Variants in AUTS2 observed in about 807,000 individuals in gnomAD.
AUTS2 encodes the protein activator of transcription and developmental regulator AUTS2, also known as autism susceptibility gene 2 protein.
A neutral mutation model predicts 112.4 loss-of-function variants in AUTS2; 17 were observed. The observed-to-expected ratio is 0.15, with a 90% CI of 0.10 to 0.23. The LOEUF (loss-of-function observed/expected upper bound fraction) is 0.23, where lower values mean the gene tolerates loss of function less well. AUTS2 is among the 10% of genes least tolerant of loss of function. AUTS2 has a pLI of 1.00. For missense variants in AUTS2, 1,510 were observed against 1,701.6 expected (o/e 0.89, Z 1.98); for synonymous variants, 751 against 702.7 (o/e 1.07, Z -1.09).
intron 2 of AUTS2, among the ~76,000 whole-genome samples, chr7:69,922,673 T>G (rs778605198): frequency 6.6e-6 from 1 of 152,250 alleles, no homozygotes; most frequent in African/African-American, 2.4e-5. Context: ...GAAAGAATGC[T>G]TCTCTCCTTA....
At chr7:70,145,950 A>G (rs1248388290) in intron 4 of AUTS2, among the ~76,000 whole-genome samples, 1 of 152,126 alleles carries the variant, frequency 6.6e-6, no homozygotes, top group African/African-American at 2.4e-5. Context: ...CAAGGTGCCA[A>G]TTATTTCCTG....
chr7:70,643,222 T>A (rs1049847315), intron 5 of AUTS2, among the ~76,000 whole-genome samples: 1 of 152,178 alleles, frequency 6.6e-6, no homozygotes, highest in African/African-American at 2.4e-5. Context: ...TTCGGACCCA[T>A]ATTTTCCATA....
At chr7:70,069,169 A>G (rs1056584853) in intron 2 of AUTS2, among the ~76,000 whole-genome samples, 24 of 152,158 alleles carry the variant, frequency 1.6e-4, no homozygotes, top group African/African-American at 5.3e-4. Context: ...TACCTCAGTA[A>G]TAGGGTTCAG....
intron 2 of AUTS2, among the ~76,000 whole-genome samples, chr7:70,112,058 C>A (rs1056286485): frequency 1.3e-5 from 2 of 151,780 alleles, no homozygotes; most frequent in Non-Finnish European, 2.9e-5. Context: ...TCATTTCAAT[C>A]TTTATAATTA....
chr7:70,000,179 G>A (rs556177502), intron 2 of AUTS2, among the ~76,000 whole-genome samples: 1 of 152,266 alleles, frequency 6.6e-6, no homozygotes, highest in African/African-American at 2.4e-5. Context: ...AGAGCTGTCT[G>A]TACAGGGGAT....
intron 1 of AUTS2, among the ~76,000 whole-genome samples, chr7:69,653,626 T>C (rs1350957035): frequency 6.6e-6 from 1 of 151,628 alleles, no homozygotes; most frequent in African/African-American, 2.4e-5. Flanking sequence ...TGTGCCCACA[T>C]AATGGTGGTG....
At chr7:70,463,955 T>C (rs951387225) in intron 5 of AUTS2, among the ~76,000 whole-genome samples, 2 of 152,202 alleles carry the variant, frequency 1.3e-5, no homozygotes, top group African/African-American at 4.8e-5. Context: ...CAGCTATTAA[T>C]TTTTAATCAA....
chr7:70,764,832 C>T lies in AUTS2; in HGVS notation c.1295C>T (p.Pro432Leu), dbSNP rs767529359. Residue 432 changes from proline (P) to leucine (L), a missense_variant, in exon 8 of 19, where the codon CCC becomes CTC. Transcript: ENST00000342771. Reference protein sequence around the residue: ...ISHHPSASPFPLSLPNHSPLH... With the variant: ...ISHHPSASPFLLSLPNHSPLH... ...CACCACCCCTCTGCCTCCCCGTTCC[C>T]CCTCTCCCTGCCCAACCACAGCCCC... 1 of 1,346,964 alleles carries T rather than the reference C, an allele frequency of 7.4e-7. No individual in the cohort carries two copies. Among genetic ancestry groups the T allele is most frequent in the Non-Finnish European group, 1.0e-6 (1 of 959,494 alleles). 83.4% of individuals were successfully genotyped at this position (1,346,964 alleles called of 1,614,324 possible).
intron 4 of AUTS2, among the ~76,000 whole-genome samples, chr7:70,362,591 A>AT (rs1484581173): frequency 6.6e-6 from 1 of 152,030 alleles, no homozygotes; most frequent in Non-Finnish European, 1.5e-5. Flanking sequence ...ATGTGACAGG[A>AT]TAGTAGTTCC....
intron 3 of AUTS2, among the ~76,000 whole-genome samples, chr7:70,133,703 A>G (rs1350524802): frequency 6.6e-6 from 1 of 152,216 alleles, no homozygotes; most frequent in Non-Finnish European, 1.5e-5. Context: ...AGAGGATGCT[A>G]AAAATTAAAT....
intron 1 of AUTS2, among the ~76,000 whole-genome samples, chr7:69,883,971 A>C (rs889458256): frequency 6.6e-6 from 1 of 152,216 alleles, no homozygotes; most frequent in South Asian, 2.1e-4. Context: ...GGTGACATCA[A>C]TAAATCCTTC....
At chr7:69,755,756 G>A (rs1787920374) in intron 1 of AUTS2, among the ~76,000 whole-genome samples, 2 of 152,136 alleles carry the variant, frequency 1.3e-5, no homozygotes, top group African/African-American at 4.8e-5. Flanking sequence ...AATGAATCTA[G>A]AGCTTTGCCT....
In AUTS2 at chr7:70,461,699, C is replaced by T. The variant is rs113326662; in HGVS notation, c.690+25918C>T. On this transcript the variant is annotated intron_variant, in intron 5 of 18. Transcript: ENST00000342771. Reference sequence around the variant, plus strand: ...CCTCTTTCCAACTAAGAAAACTGAACGGTAATGAGATAAATTACCCTAGGA... The same window carrying T: ...CCTCTTTCCAACTAAGAAAACTGAATGGTAATGAGATAAATTACCCTAGGA... 1.4e-4 allele frequency among the ~76,000 whole-genome samples: 21 copies of T among 152,122 alleles called. 1 individual carries two copies. Among genetic ancestry groups the T allele is most frequent in the African/African-American group, 4.3e-4 (18 of 41,480 alleles).
intron 5 of AUTS2, among the ~76,000 whole-genome samples, chr7:70,691,503 GTCT>G (rs1356305726): frequency 2.0e-5 from 3 of 151,798 alleles, no homozygotes; most frequent in Non-Finnish European, 4.4e-5. Flanking sequence ...ATCAAATTTA[GTCT>G]TCTTTCTTCC....
intron 5 of AUTS2, among the ~76,000 whole-genome samples, chr7:70,670,084 C>CTACG (rs1325209421): frequency 6.6e-6 from 1 of 152,208 alleles, no homozygotes; most frequent in Admixed American, 6.5e-5. Flanking sequence ...CCCGTCCCTG[C>CTACG]TACGCTACAC....
At chr7:70,241,664 G>T (rs935302855) in intron 4 of AUTS2, among the ~76,000 whole-genome samples, 4 of 152,138 alleles carry the variant, frequency 2.6e-5, no homozygotes, top group Non-Finnish European at 5.9e-5. Context: ...GTAATCAAAA[G>T]AAAGAAATGC....
At chr7:69,628,098 G>T (rs769826156) in intron 1 of AUTS2, among the ~76,000 whole-genome samples, 2 of 152,238 alleles carry the variant, frequency 1.3e-5, no homozygotes, top group Admixed American at 6.5e-5. Flanking sequence ...TGCTTATGTA[G>T]TGCCATTGTC....
intron 2 of AUTS2, among the ~76,000 whole-genome samples, chr7:70,009,648 T>C (rs1210555953): frequency 1.3e-5 from 2 of 152,208 alleles, no homozygotes; most frequent in Non-Finnish European, 2.9e-5. Context: ...GATGTTTCCT[T>C]ATTTTTGGGT....
chr7:70,599,597 G>A (rs1008720677), intron 5 of AUTS2, among the ~76,000 whole-genome samples: 5 of 152,216 alleles, frequency 3.3e-5, no homozygotes, highest in African/African-American at 9.6e-5. Flanking sequence ...GACAGGTGGG[G>A]TTGTCCCATG....
Sources: gnomAD v4.1 joint callset for allele counts (sites outside exome capture counted in the v4.1 genomes callset) on GRCh38, gnomAD v4.1.1 for gene constraint, MANE v1.5 for transcripts, NCBI Gene and HGNC (gene_info 2026-07-23, HGNC 2026-07-21) for gene names.